Variants in ARNT observed in about 807,000 individuals in gnomAD.
The protein encoded by ARNT is class E basic helix-loop-helix protein 2.
ARNT carries 30 observed loss-of-function variants against 105.0 expected under a neutral mutation model. The observed-to-expected ratio is 0.29, with a 90% CI of 0.21 to 0.39. The LOEUF (loss-of-function observed/expected upper bound fraction) is 0.39. Ranked by LOEUF, ARNT falls within the 10% of genes least tolerant of loss-of-function variation. ARNT has a pLI of 1.00. For synonymous variants in ARNT, 304 were observed against 344.0 expected, an observed-to-expected ratio of 0.88 and a Z score of 1.29; for missense variants, 748 against 978.7, an observed-to-expected ratio of 0.76 and a Z score of 3.15.
intron 1 of ARNT, among the ~76,000 whole-genome samples, chr1:150,875,509 C>G (rs996918145): frequency 6.6e-6 from 1 of 152,186 alleles, no homozygotes; most frequent in Non-Finnish European, 1.5e-5. Flanking sequence ...GCAACACACA[C>G]ACATATCTCA....
rs587697329 is a variant in ARNT at position 150,847,425 on chromosome 1, C to CAAA, written c.183-1121_183-1119dup. On this transcript the variant is annotated intron_variant, in intron 3 of 21. Coordinates refer to ENST00000358595, the MANE Select transcript of ARNT (RefSeq NM_001668.4). ...GTGGCAACAGAGCGAGACTCCGTCT[C>CAAA]AAAAAAAAAAAAAAAAAAAAAGAAG... Among the ~76,000 whole-genome samples, 490 of 90,724 alleles carry CAAA rather than the reference C, an allele frequency of 5.4e-3. 7 individuals carry two copies. Among genetic ancestry groups the CAAA allele is most frequent in the South Asian group, 0.019 (44 of 2,366 alleles). 59.5% of individuals were successfully genotyped at this position (90,724 alleles called of 152,430 possible). A position where few individuals can be genotyped will look rare whatever the true frequency, so the allele number is the denominator to read the frequency against.
chr1:150,860,431 G>T (rs1332472581), intron 1 of ARNT, among the ~76,000 whole-genome samples: 1 of 150,624 alleles, frequency 6.6e-6, no homozygotes, highest in Non-Finnish European at 1.5e-5. Flanking sequence ...GGCCAGGCTG[G>T]TCTTTAACTC....
At position 150,836,454 on chromosome 1, in the gene ARNT, G is replaced by A. The variant is rs1660340398; in HGVS notation, c.526C>T (p.Leu176=). 1 of 1,613,976 alleles carries A rather than the reference G, an allele frequency of 6.2e-7. No individual in the cohort carries two copies. Among genetic ancestry groups the A allele is most frequent in the Non-Finnish European group, 8.5e-7 (1 of 1,180,006 alleles). ...HLILEAADGF[L]FIVSCETGRV... Reference sequence around the variant, plus strand: ...CCTGTCTCACATGAGACAATAAACAGAAAGCCATCTGCTGCCTCCAAGATC... The same window carrying A: ...CCTGTCTCACATGAGACAATAAACAAAAAGCCATCTGCTGCCTCCAAGATC... Residue 176 remains leucine (L), a synonymous_variant, in exon 7 of 22, where the codon CTG becomes TTG. Coordinates refer to ENST00000358595, the MANE Select transcript of ARNT (RefSeq NM_001668.4).
chr1:150,867,729 T>G (rs1557967833), intron 1 of ARNT, among the ~76,000 whole-genome samples: 1 of 152,134 alleles, frequency 6.6e-6, no homozygotes, highest in Admixed American at 6.5e-5. Context: ...GGGAGGTTAT[T>G]GGATCATAGG....
intron 3 of ARNT, among the ~76,000 whole-genome samples, chr1:150,850,976 CCCGT>C (rs1472727062): frequency 6.6e-6 from 1 of 150,604 alleles, no homozygotes; most frequent in African/African-American, 2.4e-5. Flanking sequence ...CGGCAGCCGC[CCCGT>C]CTGAGAATTG....
intron 4 of ARNT, among the ~76,000 whole-genome samples, chr1:150,844,598 C>T (rs1326125940): frequency 2.0e-5 from 3 of 151,888 alleles, no homozygotes; most frequent in East Asian, 3.9e-4. Context: ...TTTGAAATAA[C>T]GAATTATTCA....
chr1:150,846,862 C>T (rs901222861), intron 3 of ARNT, among the ~76,000 whole-genome samples: 6 of 152,210 alleles, frequency 3.9e-5, no homozygotes, highest in African/African-American at 1.4e-4. Flanking sequence ...TAAGTGGAAT[C>T]ATACAGTAAT....
intron 12 of ARNT, 146 bp from the exon 13 acceptor site, chr1:150,826,763 A>C: frequency 1.8e-6 from 1 of 541,726 alleles, no homozygotes; most frequent in Non-Finnish European, 3.4e-6. Context: ...TCCTGTCTCA[A>C]CCTCCCAAGT....
intron 1 of ARNT, among the ~76,000 whole-genome samples, chr1:150,864,575 A>C (rs1183177582): frequency 7.7e-6 from 1 of 129,202 alleles, no homozygotes; most frequent in Non-Finnish European, 1.6e-5. Context: ...GATCACATGG[A>C]CACAGGAAGG....
intron 7 of ARNT, among the ~76,000 whole-genome samples, chr1:150,835,179 A>C (rs74228522): frequency 6.6e-6 from 1 of 151,868 alleles, no homozygotes; most frequent in Non-Finnish European, 1.5e-5. Flanking sequence ...TTTTAAAAAG[A>C]AAAAAACCAA....
intron 3 of ARNT, among the ~76,000 whole-genome samples, chr1:150,849,506 C>T (rs1278854447): frequency 6.6e-6 from 1 of 152,172 alleles, no homozygotes; most frequent in Non-Finnish European, 1.5e-5. Context: ...CATTTTCAGG[C>T]CGGGTACAGT....
chr1:150,843,650 C>T lies in ARNT; in HGVS notation c.228-1182G>A, dbSNP rs587616945. Among the ~76,000 whole-genome samples the T allele has an allele frequency of 2.0e-5, 3 of 152,218 alleles. No homozygotes were observed. In the South Asian group the frequency reaches 6.2e-4, roughly 32 times the overall value. On this transcript the variant is annotated intron_variant, in intron 4 of 21. Coordinates refer to ENST00000358595, the MANE Select transcript of ARNT (RefSeq NM_001668.4). ...AGATAGTTCCTTAACAAACTACAAACTTCTTTTTTTTCAAAAAGTTGAGCA... is the reference window on the plus strand; with the variant it reads ...AGATAGTTCCTTAACAAACTACAAATTTCTTTTTTTTCAAAAAGTTGAGCA...
In ARNT at chr1:150,873,060, G is replaced by A. The variant is rs587650898; in HGVS notation, c.25+3483C>T. ...AGCACTTTGGGAGGCCGAGGCAGGC[G>A]GATCACAAGGTCAGGAGATCGAGAC... is the stretch of plus-strand genomic sequence containing the variant. On this transcript the variant is annotated intron_variant, in intron 1 of 21. Coordinates refer to ENST00000358595, the MANE Select transcript of ARNT (RefSeq NM_001668.4). Among the ~76,000 whole-genome samples, 25 of 152,048 alleles carry A rather than the reference G, an allele frequency of 1.6e-4. No homozygotes were observed. In the East Asian group the frequency reaches 2.5e-3, roughly 15 times the overall value.
intron 1 of ARNT, among the ~76,000 whole-genome samples, chr1:150,875,172 G>T (rs1014130818): frequency 1.3e-5 from 2 of 151,918 alleles, no homozygotes; most frequent in Admixed American, 1.3e-4. Context: ...TTGACATAAC[G>T]GCATTTTTCC....
Position 150,858,365 on chromosome 1 carries a change from T to C in ARNT, c.121A>G (p.Ile41Val), listed in dbSNP as rs1322104083. 3.7e-6 allele frequency: 6 copies of C among 1,607,660 alleles called. 1 individual carries two copies. Among genetic ancestry groups the C allele is most frequent in the South Asian group, 3.4e-5 (3 of 89,490 alleles). The change falls in exon 2 of 22, where the codon ATT (isoleucine) becomes GTT (valine). Residue 41 changes from isoleucine to valine, a missense_variant. Transcript: ENST00000358595. The stretch of plus-strand genomic sequence containing the variant: ...CAAACTCACCCTGGTCGCCGCTTAA[T>C]AGCCCTCTGGACAATGGCTCCTCCA... ...QGGGAIVQRA[I>V]KRRPGLDFDD...
At chr1:150,850,814 C>T (rs1383973242) in intron 3 of ARNT, among the ~76,000 whole-genome samples, 4 of 151,808 alleles carry the variant, frequency 2.6e-5, no homozygotes, top group South Asian at 4.2e-4. Context: ...TCTTCCCGGC[C>T]GCCATCCCGT....
At chr1:150,818,239 G>A in intron 14 of ARNT, 1 of 469,726 alleles carries the variant, frequency 2.1e-6, no homozygotes, top group Non-Finnish European at 3.8e-6. Context: ...TGACACAGGG[G>A]TCATCTTGTT....
chr1:150,846,230 T>A (rs1479736574), intron 4 of ARNT, 33 bp downstream of exon 4: 3 of 1,564,800 alleles, frequency 1.9e-6, no homozygotes, highest in Non-Finnish European at 2.6e-6. Flanking sequence ...GATCATATTA[T>A]ATATTACAAT....
rs1326729563 is a variant in ARNT, at chr1:150,834,442, T to G, written c.803+96A>C. The stretch of plus-strand genomic sequence containing the variant: ...TCTGGGTATGGAGAGTTAAATTTAA[T>G]CCACTGGAGCTAATCCAACTTAACT... On this transcript the variant is annotated intron_variant, in intron 8 of 21. Transcript: ENST00000358595. 3 of 1,192,308 alleles carry G rather than the reference T, an allele frequency of 2.5e-6. No homozygotes were observed. In the African/African-American group the frequency reaches 4.5e-5, roughly 18 times the overall value. The allele number at this position is 1,192,308 out of a possible 1,614,324, so 73.9% of individuals were successfully genotyped here.
Sources: gnomAD v4.1 joint callset for allele counts (sites outside exome capture counted in the v4.1 genomes callset) on GRCh38, gnomAD v4.1.1 for gene constraint, MANE v1.5 for transcripts, NCBI Gene and HGNC (gene_info 2026-07-23, HGNC 2026-07-21) for gene names.